Variants in PCDHA9 observed in about 807,000 individuals in gnomAD.
PCDHA9 encodes protocadherin alpha 9.
Under a neutral mutation model 62.0 loss-of-function variants are expected in PCDHA9, and 62 were observed. That is an observed-to-expected ratio of 1.00 (90% CI 0.81 to 1.23). The LOEUF is 1.23. Ranked by LOEUF, PCDHA9 falls within the 50% of genes most tolerant of loss-of-function variation. The probability of loss-of-function intolerance (pLI) is 0.00; values close to 1 mark genes in which losing one functional copy is unlikely to be tolerated. For missense variants in PCDHA9, 1,205 were observed against 1,249.8 expected, an observed-to-expected ratio of 0.96 and a Z score of 0.54; for synonymous variants, 557 against 567.6, an observed-to-expected ratio of 0.98 and a Z score of 0.27.
intron 1 of PCDHA9, chr5:140,877,093 G>T (rs2056846978): frequency 6.2e-7 from 1 of 1,613,178 alleles, no homozygotes; most frequent in African/African-American, 1.3e-5. Context: ...GCGCGACGCC[G>T]GCGTGCCGCC....
intron 1 of PCDHA9, among the ~76,000 whole-genome samples, chr5:140,961,425 T>G (rs2095610907): frequency 6.6e-6 from 1 of 152,226 alleles, no homozygotes; most frequent in Admixed American, 6.5e-5. Context: ...TTTAAACAAT[T>G]ACAAAATCAC....
intron 1 of PCDHA9, chr5:140,870,349 A>G (rs1554164130): frequency 6.2e-7 from 1 of 1,614,154 alleles, no homozygotes; most frequent in Non-Finnish European, 8.5e-7. Context: ...GGACCGCGAG[A>G]ACGTGTGGGC....
intron 1 of PCDHA9, among the ~76,000 whole-genome samples, chr5:140,887,705 T>G (rs1016402630): frequency 6.6e-6 from 1 of 152,172 alleles, no homozygotes; most frequent in Non-Finnish European, 1.5e-5. Context: ...TCAACCATAC[T>G]TCTTCTAATA....
intron 1 of PCDHA9, chr5:140,855,838 A>G (rs1554147969): frequency 1.6e-6 from 1 of 616,858 alleles, no homozygotes. Flanking sequence ...TCGTACTTAC[A>G]CCTAAAGCCA....
intron 1 of PCDHA9, chr5:140,871,254 T>C (rs2052877149): frequency 6.8e-6 from 11 of 1,613,826 alleles, no homozygotes; most frequent in Admixed American, 1.7e-5. Context: ...TGCTGCTGTA[T>C]ACGGCGCTGT....
chr5:141,011,104 C>A lies in PCDHA9; in HGVS notation c.*1167C>A, dbSNP rs1396728499. On this transcript the variant is annotated 3_prime_UTR_variant, in exon 4 of 4. Transcript: ENST00000532602. ...GATCTCTCTTTCTCTCTCTCTCTCT[C>A]TTTTCTAAGAAACAATTATGTGCAC... is the stretch of plus-strand genomic sequence containing the variant. 6.5e-6 allele frequency: 1 copy of A among 153,726 alleles called. No individual in the cohort carries two copies. The highest frequency in any genetic ancestry group is 1.5e-5 in the Non-Finnish European group (1 of 68,028). The allele number at this position is 153,726 out of a possible 1,614,324, so 9.5% of individuals were successfully genotyped here. A position where few individuals can be genotyped will look rare whatever the true frequency, so the allele number is the denominator to read the frequency against.
At chr5:140,925,969 A>C (rs2082842050) in intron 1 of PCDHA9, among the ~76,000 whole-genome samples, 1 of 152,172 alleles carries the variant, frequency 6.6e-6, no homozygotes, top group African/African-American at 2.4e-5. Context: ...TCACGCAAAA[A>C]AAAAGCCTTG....
At chr5:140,947,635 G>T (rs1170525936) in intron 1 of PCDHA9, among the ~76,000 whole-genome samples, 1 of 151,538 alleles carries the variant, frequency 6.6e-6, no homozygotes, top group Non-Finnish European at 1.5e-5. Flanking sequence ...TCATCAGATC[G>T]TATGAACATA....
chr5:140,858,539 T>A (rs62384480), intron 1 of PCDHA9: 78,694 of 1,399,008 alleles, frequency 0.056, 7,001 homozygotes, highest in Non-Finnish European at 0.065. Context: ...TTTGTCTACA[T>A]TCCATTTATG....
intron 1 of PCDHA9, chr5:140,929,010 G>C (rs1554206575): frequency 6.2e-7 from 1 of 1,614,128 alleles, no homozygotes; most frequent in Non-Finnish European, 8.5e-7. Flanking sequence ...TGTGTACCAA[G>C]TTGCACCAGA....
intron 1 of PCDHA9, chr5:140,876,837 C>T (rs782753877): frequency 1.9e-6 from 3 of 1,614,148 alleles, no homozygotes; most frequent in Admixed American, 3.3e-5. Context: ...CGCCTGCGTT[C>T]GCGCAGCCCG....
At chr5:140,895,666 T>A (rs538311323) in intron 1 of PCDHA9, among the ~76,000 whole-genome samples, 24 of 152,288 alleles carry the variant, frequency 1.6e-4, no homozygotes, top group African/African-American at 5.8e-4. Context: ...AGTGAGAACA[T>A]GTAGTATTTG....
chr5:141,005,731 A>AAAAAAG (rs2098235322), intron 3 of PCDHA9, among the ~76,000 whole-genome samples: 2 of 149,106 alleles, frequency 1.3e-5, no homozygotes, highest in East Asian at 1.9e-4. Flanking sequence ...AAAAAAAAAA[A>AAAAAAG]GAATGGATGA....
chr5:140,971,652 G>A (rs1554233517), intron 1 of PCDHA9, among the ~76,000 whole-genome samples: 1 of 152,134 alleles, frequency 6.6e-6, no homozygotes, highest in African/African-American at 2.4e-5. Context: ...ATTAAAAGTA[G>A]ATGGGAATTA....
intron 3 of PCDHA9, among the ~76,000 whole-genome samples, chr5:141,009,295 A>AT (rs1258767808): frequency 6.6e-6 from 1 of 152,030 alleles, no homozygotes; most frequent in African/African-American, 2.4e-5. Flanking sequence ...TTTCTATAAA[A>AT]TTTTTTTTAA....
chr5:140,860,530 T>C (rs1210536247), intron 1 of PCDHA9: 1 of 152,180 alleles, frequency 6.6e-6, no homozygotes, highest in Non-Finnish European at 1.5e-5. Flanking sequence ...GAATTCTGAT[T>C]TGTAAGACAA....
intron 1 of PCDHA9, chr5:140,869,294 T>C: frequency 1.9e-6 from 3 of 1,613,634 alleles, no homozygotes; most frequent in Non-Finnish European, 1.7e-6. Flanking sequence ...CAGCGCCTGT[T>C]CCGGGTGGCG....
Position 141,009,859 on chromosome 5 carries a change from G to A in PCDHA9, c.2775G>A (p.Lys925=). The A allele has an allele frequency of 1.2e-6, 2 of 1,613,884 alleles. No homozygotes were observed. Among genetic ancestry groups the A allele is most frequent in the Non-Finnish European group, 1.7e-6 (2 of 1,179,960 alleles). The part of the protein sequence containing the change: ...TFGKKEETKK[K]KKKKKGNKTQ... ...GCAAAAAGGAGGAGACCAAGAAAAA[G>A]AAGAAAAAGAAGAAGGGTAACAAGA... The change falls in exon 4 of 4, where the codon AAG becomes AAA. Residue 925 remains lysine (K), a synonymous_variant. Transcript: ENST00000532602.
intron 1 of PCDHA9, chr5:140,863,608 T>A (rs548888922): frequency 5.7e-6 from 2 of 349,702 alleles, no homozygotes; most frequent in Non-Finnish European, 1.1e-5. Flanking sequence ...CCTATTAATG[T>A]CCCTCATAGT....
Sources: allele counts gnomAD v4.1 joint callset (sites outside exome capture counted in the v4.1 genomes callset), GRCh38; gene constraint gnomAD v4.1.1; transcripts MANE v1.5; gene names NCBI Gene and HGNC (gene_info 2026-07-23, HGNC 2026-07-21).